The following DNAH14 variants were observed in gnomAD, a reference collection of about 807,000 sequenced individuals.
DNAH14 encodes the protein dynein axonemal heavy chain 14.
DNAH14 carries 478 observed loss-of-function variants against 520.9 expected under a neutral mutation model. The observed-to-expected ratio is 0.92, with a 90% CI of 0.85 to 0.99. The LOEUF (loss-of-function observed/expected upper bound fraction) is 0.99. Ranked by LOEUF, DNAH14 falls within the 50% of genes least tolerant of loss-of-function variation. The probability of loss-of-function intolerance (pLI) is 0.00; values close to 1 mark genes in which losing one functional copy is unlikely to be tolerated. For missense variants in DNAH14, 4,831 were observed against 5,234.5 expected, an observed-to-expected ratio of 0.92 and a Z score of 2.38; for synonymous variants, 1,581 against 1,757.2, an observed-to-expected ratio of 0.90 and a Z score of 2.51.
intron 21 of DNAH14, among the ~76,000 whole-genome samples, chr1:225,094,539 G>C (rs2074711833): frequency 6.6e-6 from 1 of 151,068 alleles, no homozygotes; most frequent in African/African-American, 2.4e-5. Flanking sequence ...AAATAACCTA[G>C]GAAATACCAT....
At chr1:225,066,971 C>CT (rs1244275553) in intron 17 of DNAH14, among the ~76,000 whole-genome samples, 2 of 151,982 alleles carry the variant, frequency 1.3e-5, no homozygotes, top group Non-Finnish European at 2.9e-5. Context: ...GTACATGTGT[C>CT]TTTTTTTACT....
chr1:225,035,399 G>GCT (rs2066878581), intron 11 of DNAH14, among the ~76,000 whole-genome samples: 1 of 151,686 alleles, frequency 6.6e-6, no homozygotes, highest in Non-Finnish European at 1.5e-5. Context: ...TAGTTTCCTT[G>GCT]CTCTGATCTT....
In DNAH14 at chr1:225,079,334, T is replaced by C. The variant is rs1572914949; in HGVS notation, c.2552T>C (p.Met851Thr). Reference sequence around the variant, plus strand: ...AAATTAGAAAAAGAGTTCTTAACAATGTCTCAGCTATATTCTGTTGCAAAG... The same window carrying C: ...AAATTAGAAAAAGAGTTCTTAACAACGTCTCAGCTATATTCTGTTGCAAAG... ...ISKLEKEFLT[M>T]SQLYSVAKHH... The change falls in exon 18 of 86, where the codon ATG (methionine) becomes ACG (threonine). Residue 851 changes from methionine to threonine, a missense_variant. By Grantham distance (81) the Met-to-Thr change is moderately conservative. Coordinates refer to ENST00000682510, the MANE Select transcript of DNAH14 (RefSeq NM_001367479.1). The C allele has an allele frequency of 1.9e-6, 3 of 1,550,490 alleles. No homozygotes were observed. The highest frequency in any genetic ancestry group is 2.7e-5 in the African/African-American group (2 of 72,964).
intron 71 of DNAH14, among the ~76,000 whole-genome samples, chr1:225,349,686 C>T (rs560672683): frequency 5.2e-4 from 79 of 152,154 alleles, no homozygotes; most frequent in Non-Finnish European, 1.0e-3. Context: ...GAAATCAAAA[C>T]TGTTACAAAA....
At chr1:225,335,250 G>GTA (rs1184791052) in intron 66 of DNAH14, among the ~76,000 whole-genome samples, 1 of 134,910 alleles carries the variant, frequency 7.4e-6, no homozygotes, top group African/African-American at 2.8e-5. Context: ...TACATTGTGT[G>GTA]TATATGCACA....
intron 43 of DNAH14, chr1:225,250,769 G>T: frequency 2.1e-6 from 1 of 469,408 alleles, no homozygotes; most frequent in South Asian, 4.5e-5. Context: ...AATGGGCTTG[G>T]GATTGGCTAG....
rs532117346 is a variant in DNAH14, at chr1:225,237,375, A to G, written c.6519-3218A>G. On this transcript the variant is annotated intron_variant, in intron 42 of 85. Coordinates refer to ENST00000682510, the MANE Select transcript of DNAH14 (RefSeq NM_001367479.1). ...GATATTATTTCTCCTTTGCCTATGA[A>G]GCTTAGTTTGACTGGATATGAAATT... Among the ~76,000 whole-genome samples, 107 of 152,204 alleles carry G rather than the reference A, an allele frequency of 7.0e-4. 1 individual carries two copies. Among genetic ancestry groups the G allele is most frequent in the African/African-American group, 2.5e-3 (104 of 41,530 alleles).
rs75123689 is a variant in DNAH14 at position 225,351,574 on chromosome 1, T to A, written c.11297-73T>A. The A allele has an allele frequency of 1.1e-3, 1,104 of 1,040,484 alleles. 24 individuals are homozygous for A. The East Asian group carries it at 0.029, about 28-fold the overall frequency. 64.5% of individuals were successfully genotyped at this position (1,040,484 alleles called of 1,614,324 possible). On this transcript the variant is annotated intron_variant, in intron 71 of 85. Coordinates refer to ENST00000682510, the MANE Select transcript of DNAH14 (RefSeq NM_001367479.1). ...CTTAACAGTACATCTTTGTCAAGTA[T>A]CTACTTTGTAATGAATAACTAAAAG...
chr1:225,284,836 C>T (rs1044504530), intron 54 of DNAH14, among the ~76,000 whole-genome samples: 25 of 152,084 alleles, frequency 1.6e-4, no homozygotes, highest in Admixed American at 5.2e-4. Context: ...TTAATATTTT[C>T]TAAAAATCAT....
At chr1:225,369,124 T>C (rs1400936156) in intron 77 of DNAH14, among the ~76,000 whole-genome samples, 3 of 151,706 alleles carry the variant, frequency 2.0e-5, no homozygotes, top group Non-Finnish European at 4.4e-5. Flanking sequence ...CAGTATAATG[T>C]CTAAATTAAC....
intron 21 of DNAH14, among the ~76,000 whole-genome samples, chr1:225,089,427 A>G (rs1463903028): frequency 6.8e-6 from 1 of 146,006 alleles, no homozygotes; most frequent in Non-Finnish European, 1.5e-5. Flanking sequence ...CTGGGCAACA[A>G]GAGCAAAACT....
intron 42 of DNAH14, among the ~76,000 whole-genome samples, chr1:225,237,814 T>C (rs2091701503): frequency 6.6e-6 from 1 of 152,234 alleles, no homozygotes; most frequent in Non-Finnish European, 1.5e-5. Context: ...TTTCATTTCA[T>C]TCTTTTTCGC....
rs1260575449 is a variant in DNAH14 at position 225,085,769 on chromosome 1, C to T, written c.3553C>T (p.Pro1185Ser). 1 of 1,549,136 alleles carries T rather than the reference C, an allele frequency of 6.5e-7. No homozygotes were observed. Among genetic ancestry groups the T allele is most frequent in the Admixed American group, 2.0e-5 (1 of 50,496 alleles). The change falls in exon 21 of 86, where the codon CCC (proline) becomes TCC (serine). Residue 1185 changes from proline to serine, a missense_variant. Coordinates refer to ENST00000682510, the MANE Select transcript of DNAH14 (RefSeq NM_001367479.1). ...QVILATIKGS[P>S]HIGPIKDLVN... The stretch of plus-strand genomic sequence containing the variant: ...CATACTTGCAACAATTAAAGGATCT[C>T]CCCACATTGGGCCCATTAAGGTAAG...
At chr1:225,337,626 T>C (rs1196656484) in intron 67 of DNAH14, 130 bp downstream of exon 67, 25 of 701,872 alleles carry the variant, frequency 3.6e-5, no homozygotes, top group South Asian at 2.8e-4. Flanking sequence ...TACACACATA[T>C]ATACTTACAG....
intron 8 of DNAH14, among the ~76,000 whole-genome samples, chr1:224,982,682 A>G (rs1486877699): frequency 1.3e-5 from 2 of 152,138 alleles, no homozygotes; most frequent in Non-Finnish European, 2.9e-5. Flanking sequence ...TTAAATTTTC[A>G]TCTTGATTTC....
chr1:225,176,041 A>G (rs2083298658), intron 36 of DNAH14, among the ~76,000 whole-genome samples: 1 of 152,164 alleles, frequency 6.6e-6, no homozygotes, highest in African/African-American at 2.4e-5. Context: ...GGCATGAGCC[A>G]CCACACCCGG....
intron 23 of DNAH14, among the ~76,000 whole-genome samples, chr1:225,114,000 G>A (rs1014686811): frequency 6.6e-6 from 1 of 152,170 alleles, no homozygotes; most frequent in South Asian, 2.1e-4. Context: ...TACCTAAGCT[G>A]TAAGGCAAAG....
chr1:225,138,724 G>A (rs866827911), intron 27 of DNAH14, among the ~76,000 whole-genome samples: 6 of 152,098 alleles, frequency 3.9e-5, no homozygotes, highest in South Asian at 2.1e-4. Context: ...GTCACTCACC[G>A]CCTCCCCTGG....
intron 23 of DNAH14, 49 bp downstream of exon 23, chr1:225,100,933 G>A (rs2075389993): frequency 1.4e-6 from 2 of 1,384,416 alleles, no homozygotes; most frequent in South Asian, 3.0e-5. Flanking sequence ...CAAAAGTAAA[G>A]TAAAAGTGAT....
Sources: allele counts gnomAD v4.1 joint callset (sites outside exome capture counted in the v4.1 genomes callset), GRCh38; gene constraint gnomAD v4.1.1; transcripts MANE v1.5; gene names NCBI Gene and HGNC (gene_info 2026-07-23, HGNC 2026-07-21).